CA10: variants seen among roughly 807,000 people sequenced by gnomAD.
CA10 encodes carbonic anhydrase-related protein 10.
Under a neutral mutation model 44.2 loss-of-function variants are expected in CA10, and 14 were observed. The ratio of observed to expected loss-of-function variants is 0.32; its 90% CI spans 0.21 to 0.50. The LOEUF is 0.50. Among genes scored for constraint, CA10 ranks in the 20% least tolerant of loss-of-function variants. The pLI, the probability that CA10 is intolerant of heterozygous loss-of-function variation, is 0.99. For synonymous variants in CA10, 159 were observed against 141.6 expected (o/e 1.12, Z -0.87); for missense variants, 350 against 409.7 (o/e 0.85, Z 1.26).
At chr17:52,008,439 A>G (rs59767592) in intron 2 of CA10, among the ~76,000 whole-genome samples, 1,610 of 151,960 alleles carry the variant, frequency 0.011, 30 homozygotes, top group African/African-American at 0.037. Flanking sequence ...TATTTAATGT[A>G]TAATTGTCTT....
intron 2 of CA10, among the ~76,000 whole-genome samples, chr17:51,936,994 C>T (rs540562592): frequency 8.5e-5 from 13 of 152,216 alleles, no homozygotes; most frequent in Admixed American, 2.0e-4. Flanking sequence ...GGAACTAGTG[C>T]TTTACAAGCC....
At chr17:51,955,013 G>GATAGAAT (rs2144039479) in intron 2 of CA10, among the ~76,000 whole-genome samples, 1 of 152,234 alleles carries the variant, frequency 6.6e-6, no homozygotes, top group South Asian at 2.1e-4. Flanking sequence ...TATTACTGGT[G>GATAGAAT]ACCTTCCCAC....
chr17:52,037,410 G>T (rs1986649304), intron 2 of CA10, among the ~76,000 whole-genome samples: 1 of 152,126 alleles, frequency 6.6e-6, no homozygotes, highest in African/African-American at 2.4e-5. Context: ...GCAAGATAAA[G>T]ATCAGTGAGT....
intron 3 of CA10, among the ~76,000 whole-genome samples, chr17:51,754,219 T>C (rs1016691174): frequency 1.3e-5 from 2 of 151,036 alleles, no homozygotes; most frequent in Non-Finnish European, 1.5e-5. Context: ...AGCCTCACAG[T>C]AGTTTGGAGC....
At chr17:51,831,690 G>GCAGCAGCAGCAGCAGCATCAGCAT (rs1567854563) in intron 3 of CA10, among the ~76,000 whole-genome samples, 1 of 81,202 alleles carries the variant, frequency 1.2e-5, no homozygotes, top group African/African-American at 3.7e-5. Context: ...AGCAGCAGCA[G>GCAGCAGCAGCAGCAGCATCAGCAT]CAGCAGCAGC....
chr17:51,758,817 A>G (rs1905142268), intron 3 of CA10, among the ~76,000 whole-genome samples: 1 of 152,202 alleles, frequency 6.6e-6, no homozygotes, highest in Non-Finnish European at 1.5e-5. Flanking sequence ...AACATTAAAA[A>G]TCCTGACACA....
chr17:51,723,171 C>A (rs1916404463), intron 4 of CA10, among the ~76,000 whole-genome samples: 1 of 152,110 alleles, frequency 6.6e-6, no homozygotes, highest in Non-Finnish European at 1.5e-5. Context: ...CCAATAAGAG[C>A]CCAAGGAAAG....
intron 1 of CA10, among the ~76,000 whole-genome samples, chr17:52,132,920 G>A (rs1367891574): frequency 6.6e-6 from 1 of 152,174 alleles, no homozygotes; most frequent in Non-Finnish European, 1.5e-5. Flanking sequence ...CCTTGGAGCA[G>A]AGCCTAATAT....
intron 2 of CA10, among the ~76,000 whole-genome samples, chr17:52,064,870 A>G (rs1427741174): frequency 6.6e-6 from 1 of 152,198 alleles, no homozygotes; most frequent in Non-Finnish European, 1.5e-5. Context: ...CTGTATTATG[A>G]TTTTAAGCTG....
At chr17:52,001,892 A>C (rs1217683754) in intron 2 of CA10, among the ~76,000 whole-genome samples, 1 of 152,016 alleles carries the variant, frequency 6.6e-6, no homozygotes, top group Non-Finnish European at 1.5e-5. Context: ...ATTGTGCTGG[A>C]GAGCTCAGGG....
intron 2 of CA10, among the ~76,000 whole-genome samples, chr17:51,983,048 C>T (rs554619494): frequency 2.8e-4 from 42 of 151,982 alleles, no homozygotes; most frequent in Middle Eastern, 6.8e-3. Flanking sequence ...CAAGCCTAAT[C>T]TACTTTCACA....
intron 3 of CA10, among the ~76,000 whole-genome samples, chr17:51,769,049 T>TA (rs781499165): frequency 3.3e-5 from 5 of 152,246 alleles, no homozygotes; most frequent in Non-Finnish European, 5.9e-5. Flanking sequence ...AACATTTTTA[T>TA]ACTTTTATAA....
intron 3 of CA10, among the ~76,000 whole-genome samples, chr17:51,855,723 C>T (rs997605346): frequency 2.0e-5 from 3 of 152,128 alleles, no homozygotes; most frequent in Admixed American, 6.5e-5. Flanking sequence ...AGTTTAATAA[C>T]GTTGAAATCT....
At chr17:52,039,216 G>A (rs1407607881) in intron 2 of CA10, among the ~76,000 whole-genome samples, 1 of 152,056 alleles carries the variant, frequency 6.6e-6, no homozygotes, top group Non-Finnish European at 1.5e-5. Flanking sequence ...TTCTCTCTGA[G>A]TATTATTATT....
chr17:51,796,816 A>G (rs919529834), intron 3 of CA10, among the ~76,000 whole-genome samples: 2 of 152,120 alleles, frequency 1.3e-5, no homozygotes, highest in Non-Finnish European at 2.9e-5. Flanking sequence ...CTACTTTCAC[A>G]CAGACCACCC....
intron 2 of CA10, among the ~76,000 whole-genome samples, chr17:51,932,866 CTTATA>C (rs1982718851): frequency 2.0e-5 from 3 of 151,214 alleles, no homozygotes; most frequent in Non-Finnish European, 2.9e-5. Context: ...TATGAATGCA[CTTATA>C]TTATAAATAT....
At chr17:51,693,707 T>C (rs1915300007) in intron 4 of CA10, among the ~76,000 whole-genome samples, 1 of 152,212 alleles carries the variant, frequency 6.6e-6, no homozygotes, top group African/African-American at 2.4e-5. Flanking sequence ...CATTTCATGG[T>C]GTATATGTAC....
chr17:51,635,168 AAG>A (rs1490431786), intron 7 of CA10, among the ~76,000 whole-genome samples: 1 of 152,188 alleles, frequency 6.6e-6, no homozygotes, highest in Non-Finnish European at 1.5e-5. Context: ...CCTTTATAAA[AAG>A]GGGAAATTTG....
chr17:52,024,246 T>G (rs894337204), intron 2 of CA10, among the ~76,000 whole-genome samples: 1 of 152,116 alleles, frequency 6.6e-6, no homozygotes, highest in Non-Finnish European at 1.5e-5. Context: ...CCGTTTGAGG[T>G]GATACTTCTT....
Sources: allele counts gnomAD v4.1 joint callset (sites outside exome capture counted in the v4.1 genomes callset), GRCh38; gene constraint gnomAD v4.1.1; transcripts MANE v1.5; gene names NCBI Gene and HGNC (gene_info 2026-07-23, HGNC 2026-07-21).